The following VAV1 variants were observed in gnomAD, a reference collection of about 807,000 sequenced individuals.
VAV1 encodes the protein proto-oncogene vav.
A neutral mutation model predicts 128.1 loss-of-function variants in VAV1; 33 were observed. That is an observed-to-expected ratio of 0.26 (90% CI 0.20 to 0.34). The LOEUF (loss-of-function observed/expected upper bound fraction) is 0.34. Among genes scored for constraint, VAV1 ranks in the 10% least tolerant of loss-of-function variants. The probability of loss-of-function intolerance (pLI) is 1.00; values close to 1 mark genes in which losing one functional copy is unlikely to be tolerated. For missense variants in VAV1, 715 were observed against 1,093.7 expected, an observed-to-expected ratio of 0.65 and a Z score of 4.88; for synonymous variants, 394 against 409.8, an observed-to-expected ratio of 0.96 and a Z score of 0.47.
In VAV1 at chr19:6,828,482, A is replaced by T. The variant is rs1324332080; in HGVS notation, c.1087A>T (p.Met363Leu). Residue 363 changes from methionine (M) to leucine (L), a missense_variant, in exon 11 of 27, where the codon ATG becomes TTG. Transcript: ENST00000602142. This position sits in a 1 kb window ranked among gnomAD's most constrained non-coding sequence, Gnocchi z 4.5. Reference protein sequence around the residue: ...KENLRLALDAMRDLAQCVNEV... With the variant: ...KENLRLALDALRDLAQCVNEV... Reference sequence around the variant, plus strand: ...GAACCTGCGGCTGGCCCTGGATGCCATGAGGGTGAGTGGGTGTAGGGTGCT... The same window carrying T: ...GAACCTGCGGCTGGCCCTGGATGCCTTGAGGGTGAGTGGGTGTAGGGTGCT... 1 of 1,614,042 alleles carries T rather than the reference A, an allele frequency of 6.2e-7. No individual in the cohort carries two copies. The highest frequency in any genetic ancestry group is 8.5e-7 in the Non-Finnish European group (1 of 1,180,012).
intron 14 of VAV1, among the ~76,000 whole-genome samples, chr19:6,830,745 T>G (rs567028730): frequency 4.8e-4 from 73 of 152,290 alleles, no homozygotes; most frequent in African/African-American, 1.7e-3. Flanking sequence ...CAGCTTATTT[T>G]ATTTCTTGTA....
intron 1 of VAV1, among the ~76,000 whole-genome samples, chr19:6,793,731 G>T (rs1338234897): frequency 1.3e-5 from 2 of 152,066 alleles, no homozygotes; most frequent in Non-Finnish European, 2.9e-5. Flanking sequence ...CCCGGGAGTG[G>T]GGTTAATCAG....
At chr19:6,845,773 A>G (rs1972506106) in intron 22 of VAV1, among the ~76,000 whole-genome samples, 1 of 148,130 alleles carries the variant, frequency 6.8e-6, no homozygotes, top group Admixed American at 6.8e-5. Context: ...ATTATATTAT[A>G]TTTATCTACA....
chr19:6,842,554 C>T (rs894258066), intron 21 of VAV1, among the ~76,000 whole-genome samples: 1 of 152,182 alleles, frequency 6.6e-6, no homozygotes, highest in Non-Finnish European at 1.5e-5. Context: ...CGTGGTGGCT[C>T]ATGCTTGTAA....
At position 6,805,615 on chromosome 19, in the gene VAV1, T is replaced by C. The variant is rs200833165; in HGVS notation, c.205-15087T>C. On this transcript the variant is annotated intron_variant, in intron 1 of 26. Coordinates refer to ENST00000602142, the MANE Select transcript of VAV1 (RefSeq NM_005428.4). ...ACACACACACACACACACACACACATACACGCACACACACATGAGTTGGGG... is the reference window on the plus strand; with the variant it reads ...ACACACACACACACACACACACACACACACGCACACACACATGAGTTGGGG... Among the ~76,000 whole-genome samples the C allele has an allele frequency of 4.7e-3, 194 of 41,564 alleles. 1 individual carries two copies. Among genetic ancestry groups the C allele is most frequent in the South Asian group, 0.013 (16 of 1,222 alleles). The allele number at this position is 41,564 out of a possible 152,430, so 27.3% of individuals were successfully genotyped here.
chr19:6,795,723 G>A (rs943250599), intron 1 of VAV1, among the ~76,000 whole-genome samples: 3 of 151,952 alleles, frequency 2.0e-5, no homozygotes, highest in East Asian at 3.9e-4. Context: ...TCACTCTGTC[G>A]CCCAGGCTGG....
chr19:6,774,502 T>G (rs1207296503), intron 1 of VAV1, among the ~76,000 whole-genome samples: 3 of 137,084 alleles, frequency 2.2e-5, no homozygotes, highest in African/African-American at 8.3e-5. Context: ...TGGTGCGATC[T>G]CAGCTCACTG....
intron 26 of VAV1, among the ~76,000 whole-genome samples, chr19:6,855,563 C>A (rs1972773361): frequency 6.6e-6 from 1 of 152,090 alleles, no homozygotes; most frequent in Non-Finnish European, 1.5e-5. Context: ...ATCCACCTAC[C>A]CACCCATTAA....
intron 22 of VAV1, among the ~76,000 whole-genome samples, chr19:6,844,038 ACTTT>A (rs1261198091): frequency 3.8e-5 from 2 of 52,194 alleles, no homozygotes; most frequent in African/African-American, 1.4e-4. Context: ...CTGCCCCCAT[ACTTT>A]CTTCTTTTCT....
chr19:6,823,903 A>G (rs1276355953), intron 6 of VAV1, among the ~76,000 whole-genome samples: 1 of 151,830 alleles, frequency 6.6e-6, no homozygotes, highest in Non-Finnish European at 1.5e-5. Flanking sequence ...GAATATTTTC[A>G]TTTGTTTTGT....
At chr19:6,782,329 A>AAAATAAAT (rs146389730) in intron 1 of VAV1, among the ~76,000 whole-genome samples, 191 of 150,268 alleles carry the variant, frequency 1.3e-3, no homozygotes, top group African/African-American at 4.4e-3. Context: ...GACTCCATCT[A>AAAATAAAT]AAATAAATAA....
In VAV1 at chr19:6,855,945, C is replaced by T. The variant is rs115889003; in HGVS notation, c.2485-1109C>T. 1.1e-3 allele frequency among the ~76,000 whole-genome samples: 161 copies of T among 152,292 alleles called. 1 individual carries two copies. Among genetic ancestry groups the T allele is most frequent in the African/African-American group, 3.8e-3 (158 of 41,560 alleles). ...CCAAAAAATATTCAGTAAGTATCTA[C>T]TGTGTGCCAGGAACTGTTCTAGGCT... On this transcript the variant is annotated intron_variant, in intron 26 of 26. Coordinates refer to ENST00000602142, the MANE Select transcript of VAV1 (RefSeq NM_005428.4).
At chr19:6,813,007 G>A (rs1171000034) in intron 1 of VAV1, among the ~76,000 whole-genome samples, 2 of 152,190 alleles carry the variant, frequency 1.3e-5, no homozygotes, top group African/African-American at 4.8e-5. Context: ...AACCCTTCAT[G>A]TTGGTTCATT....
In VAV1 at chr19:6,826,708, G is replaced by A; in HGVS notation, c.924G>A (p.Leu308=). The A allele has an allele frequency of 6.5e-7, 1 of 1,545,870 alleles. No homozygotes were observed. The highest frequency in any genetic ancestry group is 2.4e-5 in the East Asian group (1 of 41,304). ...AAAREDVQMK[L]EECSQRANNG... Reference sequence around the variant, plus strand: ...CCCGGGAGGACGTGCAGATGAAGCTGGAGGTGGGCGCCGGGCCACTTCTCG... The same window carrying A: ...CCCGGGAGGACGTGCAGATGAAGCTAGAGGTGGGCGCCGGGCCACTTCTCG... Residue 308 remains leucine (L), a synonymous_variant, in exon 9 of 27, where the codon CTG becomes CTA. Transcript: ENST00000602142. This position sits in a 1 kb window ranked among gnomAD's most constrained non-coding sequence, Gnocchi z 4.1.
At chr19:6,788,773 G>T (rs1357717292) in intron 1 of VAV1, among the ~76,000 whole-genome samples, 2 of 152,136 alleles carry the variant, frequency 1.3e-5, no homozygotes, top group Admixed American at 1.3e-4. Context: ...GCTCTGATGG[G>T]CCAGGCCAGG....
At chr19:6,794,091 C>CCAACGGTAAATGATTTACCAATAAAT (rs1568288207) in intron 1 of VAV1, among the ~76,000 whole-genome samples, 20 of 97,492 alleles carry the variant, frequency 2.1e-4, no homozygotes, top group African/African-American at 9.2e-4. Context: ...TACCAATAAA[C>CCAACGGTAAATGATTTACCAATAAAT]CAACGGTAAA....
At chr19:6,845,459 G>T (rs162726) in intron 22 of VAV1, among the ~76,000 whole-genome samples, 106,760 of 151,852 alleles carry the variant, frequency 0.7, 40,447 homozygotes, top group Non-Finnish European at 0.84. Flanking sequence ...AATTAACCTT[G>T]TAATTGTTAC....
At chr19:6,783,107 G>A (rs887596795) in intron 1 of VAV1, among the ~76,000 whole-genome samples, 1 of 152,170 alleles carries the variant, frequency 6.6e-6, no homozygotes, top group Non-Finnish European at 1.5e-5. Flanking sequence ...TTGAACCTGG[G>A]AGGTGGAGGC....
chr19:6,828,874 G>A lies in VAV1; in HGVS notation c.1239G>A (p.Ser413=), dbSNP rs1971982158. The A allele has an allele frequency of 2.5e-6, 4 of 1,614,136 alleles. No homozygotes were observed. Among genetic ancestry groups the A allele is most frequent in the Non-Finnish European group, 3.4e-6 (4 of 1,180,036 alleles). ...PKIDGELKIT[S]VERRSKMDRY... ...TCGACGGGGAACTCAAGATCACCTC[G>A]GTGGAACGGCGCTCCAAGATGGACA... Residue 413 remains serine (S), a synonymous_variant, in exon 13 of 27, where the codon TCG becomes TCA. Transcript: ENST00000602142. The surrounding 1 kb of genome is among the most constrained non-coding windows in gnomAD (Gnocchi z 4.5).
Sources: allele counts gnomAD v4.1 joint callset (sites outside exome capture counted in the v4.1 genomes callset), GRCh38; gene constraint gnomAD v4.1.1; non-coding constraint Gnocchi (gnomAD v3.1); transcripts MANE v1.5; gene names NCBI Gene and HGNC (gene_info 2026-07-23, HGNC 2026-07-21).